The following LRPPRC variants were observed in gnomAD, a reference collection of about 807,000 sequenced individuals.
LRPPRC encodes leucine rich pentatricopeptide repeat containing.
Under a neutral mutation model 180.3 loss-of-function variants are expected in LRPPRC, and 120 were observed. The observed-to-expected ratio is 0.67, with a 90% CI of 0.57 to 0.77. LRPPRC has a LOEUF of 0.77. Ranked by LOEUF, LRPPRC falls within the 30% of genes least tolerant of loss-of-function variation. The pLI, the probability that LRPPRC is intolerant of heterozygous loss-of-function variation, is 0.00. For missense variants in LRPPRC, 2,012 were observed against 1,657.2 expected (o/e 1.21, Z -3.72); for synonymous variants, 723 against 600.0 (o/e 1.21, Z -3.00).
intron 1 of LRPPRC, 53 bp downstream of exon 1, chr2:43,995,746 C>A (rs1420117258): frequency 3.0e-6 from 4 of 1,344,508 alleles, no homozygotes; most frequent in Non-Finnish European, 3.8e-6. Flanking sequence ...CACCCACGAC[C>A]CCGGGGGACC....
intron 34 of LRPPRC, among the ~76,000 whole-genome samples, chr2:43,898,134 A>T (rs1273453795): frequency 6.6e-6 from 1 of 151,740 alleles, no homozygotes. Context: ...GAAAATTCCC[A>T]GTGAACCGGA....
intron 1 of LRPPRC, among the ~76,000 whole-genome samples, chr2:43,987,443 C>T (rs1166162476): frequency 2.2e-5 from 3 of 134,006 alleles, no homozygotes; most frequent in South Asian, 2.3e-4. Flanking sequence ...TGCAGTGAGC[C>T]GAGATAGCGT....
At chr2:43,954,066 T>A (rs886953773) in intron 14 of LRPPRC, among the ~76,000 whole-genome samples, 1 of 152,230 alleles carries the variant, frequency 6.6e-6, no homozygotes, top group Non-Finnish European at 1.5e-5. Context: ...CCTCTTTTTA[T>A]AGGGCTATCT....
chr2:43,892,406 T>C, intron 36 of LRPPRC, among the ~76,000 whole-genome samples: 1 of 152,174 alleles, frequency 6.6e-6, no homozygotes, highest in South Asian at 2.1e-4. Context: ...GCTAAATTTA[T>C]TCTGCCTGTG....
In LRPPRC at chr2:43,963,704, T is replaced by A; in HGVS notation, c.1372A>T (p.Ile458Leu). ...TGCATTCCTTTGAGGATTTCAATTA[T>A]ACCTACCAAATAAAATGTAGAAGCA... ...GRRKEKNVQG[I>L]IEILKGMQEL... The change falls in exon 12 of 38, where the codon ATA (isoleucine) becomes TTA (leucine). Residue 458 changes from isoleucine (I) to leucine (L), a missense_variant and splice_region_variant. Physicochemically the swap from Ile to Leu is conservative, Grantham distance 5 (BLOSUM62 2). Coordinates refer to ENST00000260665, the MANE Select transcript of LRPPRC (RefSeq NM_133259.4). The A allele has an allele frequency of 6.9e-7, 1 of 1,454,116 alleles. No homozygotes were observed. The highest frequency in any genetic ancestry group is 9.7e-7 in the Non-Finnish European group (1 of 1,034,762). The allele number at this position is 1,454,116 out of a possible 1,614,324, so 90.1% of individuals were successfully genotyped here.
rs982564283 is a variant in LRPPRC, at chr2:43,949,237, C to A, written c.1735+365G>T. On this transcript the variant is annotated intron_variant, in intron 16 of 37. Coordinates refer to ENST00000260665, the MANE Select transcript of LRPPRC (RefSeq NM_133259.4). ...TTTGGGGCAATAAATTACATTTAAG[C>A]GGAAATCCACAAGAACCTTCGCTAC... Among the ~76,000 whole-genome samples, 3 of 152,040 alleles carry A rather than the reference C, an allele frequency of 2.0e-5. No homozygotes were observed. The South Asian group carries it at 6.2e-4, about 32-fold the overall frequency.
intron 25 of LRPPRC, 139 bp from the exon 26 acceptor site, chr2:43,926,100 A>G: frequency 1.6e-6 from 1 of 610,926 alleles, no homozygotes; most frequent in South Asian, 2.0e-5. Context: ...TATATATACT[A>G]GTATACAATC....
intron 30 of LRPPRC, among the ~76,000 whole-genome samples, chr2:43,907,602 T>A (rs910952836): frequency 6.6e-6 from 1 of 152,188 alleles, no homozygotes; most frequent in African/African-American, 2.4e-5. Flanking sequence ...AAATCTTAAT[T>A]ATATTTTATT....
Position 43,948,141 on chromosome 2 carries a change from T to C in LRPPRC, c.1901A>G (p.His634Arg), listed in dbSNP as rs754485705. Reference protein sequence around the residue: ...RGIRNLLESYHVPELIKDAHL... With the variant: ...RGIRNLLESYRVPELIKDAHL... Reference sequence around the variant, plus strand: ...ACACACCTTAATCAATTCAGGAACATGGTAGCTTTCCAGGAGATTACGAAT... The same window carrying C: ...ACACACCTTAATCAATTCAGGAACACGGTAGCTTTCCAGGAGATTACGAAT... The change falls in exon 18 of 38, where the codon CAT (histidine) becomes CGT (arginine). Residue 634 changes from histidine (H) to arginine (R), a missense_variant. Coordinates refer to ENST00000260665, the MANE Select transcript of LRPPRC (RefSeq NM_133259.4). The C allele has an allele frequency of 3.7e-6, 6 of 1,602,196 alleles. No homozygotes were observed. The highest frequency in any genetic ancestry group is 5.1e-6 in the Non-Finnish European group (6 of 1,169,352).
chr2:43,931,795 G>A (rs1672097099), intron 25 of LRPPRC, among the ~76,000 whole-genome samples: 1 of 152,064 alleles, frequency 6.6e-6, no homozygotes, highest in South Asian at 2.1e-4. Context: ...GGTGGCATTG[G>A]CAGATTTCTT....
chr2:43,937,960 G>A (rs2105066394), intron 23 of LRPPRC, among the ~76,000 whole-genome samples: 2 of 152,294 alleles, frequency 1.3e-5, no homozygotes, highest in Middle Eastern at 3.4e-3. Flanking sequence ...CACTAGAAAT[G>A]ATTTAAATCC....
At position 43,918,273 on chromosome 2, in the gene LRPPRC, G is replaced by C; in HGVS notation, c.3022C>G (p.Pro1008Ala). 2 of 1,613,154 alleles carry C rather than the reference G, an allele frequency of 1.2e-6. No homozygotes were observed. The highest frequency in any genetic ancestry group is 1.7e-6 in the Non-Finnish European group (2 of 1,179,244). The change falls in exon 28 of 38, where the codon CCG becomes GCG. Residue 1008 changes from proline (P) to alanine (A), a missense_variant. Pro to Ala is a conservative substitution (Grantham distance 27, BLOSUM62 -1). Coordinates refer to ENST00000260665, the MANE Select transcript of LRPPRC (RefSeq NM_133259.4). ...EILREGNQEV[P>A]FDVPELWYED... ...ACAATTACCTCAGGTACGTCAAACG[G>C]AACTTCCTGGTTACCCTCTCTAAGG...
At chr2:43,937,483 A>T (rs1672318220) in intron 23 of LRPPRC, among the ~76,000 whole-genome samples, 1 of 152,328 alleles carries the variant, frequency 6.6e-6, no homozygotes. Context: ...CTTTCATAAT[A>T]AAGCTTGAAA....
chr2:43,940,870 G>A (rs566147123), intron 23 of LRPPRC, among the ~76,000 whole-genome samples: 1 of 151,962 alleles, frequency 6.6e-6, no homozygotes, highest in Non-Finnish European at 1.5e-5. Flanking sequence ...CATGAATCAG[G>A]CATGATTTTA....
chr2:43,943,522 GCTAGTGATTTTAAAGGTCAC>G (rs1332480422), intron 23 of LRPPRC, among the ~76,000 whole-genome samples, 145 bp downstream of exon 23: 16 of 152,188 alleles, frequency 1.1e-4, no homozygotes, highest in African/African-American at 3.1e-4. Context: ...CCACAGGGCT[GCTAGTGATTTTAAAGGTCAC>G]CTAGTTCATA....
intron 1 of LRPPRC, among the ~76,000 whole-genome samples, chr2:43,990,080 A>G (rs1334433292): frequency 6.6e-6 from 1 of 151,980 alleles, no homozygotes; most frequent in East Asian, 1.9e-4. Flanking sequence ...TTAGCCAGGC[A>G]TGGTGGCATG....
At chr2:43,913,063 A>T (rs917611229) in intron 29 of LRPPRC, among the ~76,000 whole-genome samples, 15 of 152,182 alleles carry the variant, frequency 9.9e-5, no homozygotes, top group African/African-American at 3.4e-4. Context: ...TATAGCCTAT[A>T]ATTCTAAAAT....
chr2:43,993,630 G>C (rs1006779425), intron 1 of LRPPRC, among the ~76,000 whole-genome samples: 4 of 151,854 alleles, frequency 2.6e-5, no homozygotes, highest in Non-Finnish European at 5.9e-5. Flanking sequence ...AGTGCTCAGA[G>C]TCCAGGAAAA....
At chr2:43,984,879 T>A (rs190917845) in intron 1 of LRPPRC, among the ~76,000 whole-genome samples, 187 of 152,314 alleles carry the variant, frequency 1.2e-3, no homozygotes, top group Non-Finnish European at 2.3e-3. Flanking sequence ...CATTTCCTAG[T>A]TAAATGTCTC....
Sources: gnomAD v4.1 joint callset for allele counts (sites outside exome capture counted in the v4.1 genomes callset) on GRCh38, gnomAD v4.1.1 for gene constraint, MANE v1.5 for transcripts, NCBI Gene and HGNC (gene_info 2026-07-23, HGNC 2026-07-21) for gene names.